Variants in ESRRB observed in about 807,000 individuals in gnomAD.
ESRRB encodes the protein steroid hormone receptor ERR2.
A neutral mutation model predicts 46.0 loss-of-function variants in ESRRB; 16 were observed. The ratio of observed to expected loss-of-function variants is 0.35; its 90% CI spans 0.24 to 0.53. ESRRB has a LOEUF of 0.53. ESRRB is among the 20% of genes least tolerant of loss of function. ESRRB has a pLI of 0.93. For missense variants in ESRRB, 488 were observed against 607.4 expected, an observed-to-expected ratio of 0.80 and a Z score of 2.07; for synonymous variants, 246 against 259.6, an observed-to-expected ratio of 0.95 and a Z score of 0.50.
rs189650322 is a variant in ESRRB at position 76,483,391 on chromosome 14, T to C, written c.850+632T>C. Among the ~76,000 whole-genome samples the C allele has an allele frequency of 1.1e-3, 174 of 152,342 alleles. 1 individual carries two copies. The highest frequency in any genetic ancestry group is 4.1e-3 in the African/African-American group (169 of 41,582). On this transcript the variant is annotated intron_variant, in intron 5 of 6. Transcript: ENST00000644823. ...CTGGCATCAGTTGCATGCCCACTAT[T>C]GCCATTCGCCTGATCTCTAAGGGAG...
At chr14:76,436,148 G>A (rs541930617) in intron 1 of ESRRB, among the ~76,000 whole-genome samples, 23 of 152,320 alleles carry the variant, frequency 1.5e-4, no homozygotes, top group African/African-American at 4.1e-4. Flanking sequence ...GGAGGGGAGC[G>A]GAAGAGGAAA....
chr14:76,466,517 T>C (rs925504628), intron 3 of ESRRB, among the ~76,000 whole-genome samples: 1 of 151,996 alleles, frequency 6.6e-6, no homozygotes, highest in African/African-American at 2.4e-5. Context: ...TGTGACTTTC[T>C]CCCTGGAACA....
intron 1 of ESRRB, among the ~76,000 whole-genome samples, chr14:76,430,960 C>G (rs1348395896): frequency 6.6e-6 from 1 of 152,206 alleles, no homozygotes; most frequent in African/African-American, 2.4e-5. Flanking sequence ...TGACCAGCAG[C>G]AGGCCACCTA....
At chr14:76,329,346 C>T (rs1883974814) in intron 1 of ESRRB, among the ~76,000 whole-genome samples, 1 of 152,134 alleles carries the variant, frequency 6.6e-6, no homozygotes, top group Admixed American at 6.5e-5. Flanking sequence ...CAGGTTCTCT[C>T]TGTGTGCCAG....
intron 1 of ESRRB, among the ~76,000 whole-genome samples, chr14:76,421,570 C>T (rs1382483195): frequency 1.3e-5 from 2 of 152,216 alleles, no homozygotes; most frequent in African/African-American, 4.8e-5. Context: ...TTACAACAAC[C>T]AAGTGGAGTA....
intron 3 of ESRRB, among the ~76,000 whole-genome samples, chr14:76,481,096 G>A (rs1889788507): frequency 6.6e-6 from 1 of 152,224 alleles, no homozygotes; most frequent in Non-Finnish European, 1.5e-5. Context: ...CATGCTTGGG[G>A]CACCTGCTCT....
chr14:76,490,810 C>A (rs549159629), intron 5 of ESRRB, among the ~76,000 whole-genome samples: 1 of 152,166 alleles, frequency 6.6e-6, no homozygotes, highest in African/African-American at 2.4e-5. Context: ...AAGAGGGGCT[C>A]CGACCCTGGG....
chr14:76,470,583 G>A (rs1016945364), intron 3 of ESRRB, among the ~76,000 whole-genome samples: 2 of 152,242 alleles, frequency 1.3e-5, no homozygotes, highest in Non-Finnish European at 2.9e-5. Flanking sequence ...TGGAATTGTA[G>A]CCATTATCTG....
At position 76,392,290 on chromosome 14, in the gene ESRRB, G is replaced by T. The variant is rs150835082; in HGVS notation, c.50+15839G>T. Reference sequence around the variant, plus strand: ...CAGGCAGGGGCATATCCGAGAAACAGTGTCACAGGGTTCCTGGGCTCTAAG... The same window carrying T: ...CAGGCAGGGGCATATCCGAGAAACATTGTCACAGGGTTCCTGGGCTCTAAG... On this transcript the variant is annotated intron_variant, in intron 1 of 6. Coordinates refer to ENST00000644823, the MANE Select transcript of ESRRB (RefSeq NM_001379180.1). Among the ~76,000 whole-genome samples, 176 of 152,370 alleles carry T rather than the reference G, an allele frequency of 1.2e-3. 1 individual carries two copies. The highest frequency in any genetic ancestry group is 0.011 in the East Asian group (56 of 5,184).
chr14:76,311,106 G>A (rs755309024), intron 1 of ESRRB, among the ~76,000 whole-genome samples: 4 of 151,220 alleles, frequency 2.6e-5, no homozygotes, highest in East Asian at 1.9e-4. Context: ...AGAGGAAAAC[G>A]TTGCCTTTCT....
At chr14:76,484,016 G>A (rs1272408761) in intron 5 of ESRRB, among the ~76,000 whole-genome samples, 3 of 152,180 alleles carry the variant, frequency 2.0e-5, no homozygotes, top group Admixed American at 1.3e-4. Flanking sequence ...ACCACACCCA[G>A]CTAATTTTTT....
chr14:76,403,829 C>T (rs913115656), intron 1 of ESRRB, among the ~76,000 whole-genome samples: 8 of 152,062 alleles, frequency 5.3e-5, no homozygotes, highest in South Asian at 2.1e-4. Context: ...TGGGTTCAAA[C>T]GATTCTCCTG....
intron 1 of ESRRB, among the ~76,000 whole-genome samples, chr14:76,408,445 G>C (rs538204037): frequency 1.3e-5 from 2 of 151,908 alleles, no homozygotes; most frequent in Admixed American, 6.6e-5. Flanking sequence ...ACCAGGTGCA[G>C]GTGCATGGGG....
At chr14:76,391,116 T>G (rs1424116021) in intron 1 of ESRRB, among the ~76,000 whole-genome samples, 2 of 152,074 alleles carry the variant, frequency 1.3e-5, no homozygotes, top group Admixed American at 1.3e-4. Context: ...GATCACACAG[T>G]TGAGGTTACA....
At chr14:76,375,114 C>T (rs1884717814), upstream of ESRRB, among the ~76,000 whole-genome samples, 1 of 152,058 alleles carries the variant, frequency 6.6e-6, no homozygotes, top group Admixed American at 6.5e-5. Flanking sequence ...GTGGTGGTGT[C>T]TCCTGAGGGC....
Position 76,500,896 on chromosome 14 carries a change from C to A in ESRRB, c.*2438C>A. On this transcript the variant is annotated 3_prime_UTR_variant, in exon 7 of 7. Coordinates refer to ENST00000644823, the MANE Select transcript of ESRRB (RefSeq NM_001379180.1). Reference sequence around the variant, plus strand: ...TTTATACTTAAAACTCAGATCACAACAGGAAATGTGTCAGTAACAATGGAA... The same window carrying A: ...TTTATACTTAAAACTCAGATCACAAAAGGAAATGTGTCAGTAACAATGGAA... 1.5e-6 allele frequency: 1 copy of A among 688,372 alleles called. No homozygotes were observed. Among genetic ancestry groups the A allele is most frequent in the Non-Finnish European group, 2.6e-6 (1 of 380,078 alleles). 42.6% of individuals were successfully genotyped at this position (688,372 alleles called of 1,614,324 possible). A position where few individuals can be genotyped will look rare whatever the true frequency, so the allele number is the denominator to read the frequency against.
At chr14:76,397,385 CCGCT>C (rs1307242297) in intron 1 of ESRRB, among the ~76,000 whole-genome samples, 5 of 152,174 alleles carry the variant, frequency 3.3e-5, no homozygotes, top group African/African-American at 1.2e-4. Flanking sequence ...CCTGGAGTGA[CCGCT>C]CTGACTTTCC....
At chr14:76,491,751 C>A in intron 6 of ESRRB, 35 bp downstream of exon 6, 1 of 1,550,552 alleles carries the variant, frequency 6.4e-7, no homozygotes, top group East Asian at 2.3e-5. Context: ...AGGGGAGCTT[C>A]TAGGGCTCTG....
chr14:76,392,904 G>A (rs149641089), intron 1 of ESRRB, among the ~76,000 whole-genome samples: 2 of 152,338 alleles, frequency 1.3e-5, no homozygotes, highest in African/African-American at 2.4e-5. Context: ...GGTGGCCACT[G>A]GCCTTCACAG....
Sources: allele counts gnomAD v4.1 joint callset (sites outside exome capture counted in the v4.1 genomes callset), GRCh38; gene constraint gnomAD v4.1.1; transcripts MANE v1.5; gene names NCBI Gene and HGNC (gene_info 2026-07-23, HGNC 2026-07-21).